PCDH11Y: variants seen among roughly 807,000 people sequenced by gnomAD.
The protein encoded by PCDH11Y is protocadherin 11 Y-linked.
For synonymous variants in PCDH11Y, 9 were observed against 83.6 expected (o/e 0.11, Z 4.87); for missense variants, 12 against 224.8 (o/e 0.05, Z 6.05).
chrY:5,577,976 G>A (rs2053447802), intron 3 of PCDH11Y, among the ~76,000 whole-genome samples: 1 of 32,865 alleles, frequency 3.0e-5, no homozygotes, highest in East Asian at 8.0e-4. Context: ...CACCATGATG[G>A]TAAGTTTCAT....
At chrY:5,703,918 G>A (rs2124712326) in intron 4 of PCDH11Y, among the ~76,000 whole-genome samples, 1 of 28,984 alleles carries the variant, frequency 3.5e-5, no homozygotes, top group Non-Finnish European at 8.2e-5. Context: ...GCACAATCAG[G>A]GCTCACCACA....
intron 2 of PCDH11Y, among the ~76,000 whole-genome samples, chrY:5,199,601 T>C (rs2124649713): frequency 3.1e-4 from 10 of 32,657 alleles, no homozygotes; most frequent in Admixed American, 2.3e-3. Flanking sequence ...ACTTGAGTTT[T>C]AATAGGATCG....
At chrY:5,107,787 T>C (rs1602868401), downstream of PCDH11Y, among the ~76,000 whole-genome samples, 90 of 32,689 alleles carry the variant, frequency 2.8e-3, no homozygotes, top group East Asian at 0.069. Flanking sequence ...CGGCCGGGTG[T>C]GGTGGCTCAC....
At chrY:5,146,439 A>G in intron 2 of PCDH11Y, among the ~76,000 whole-genome samples, 5 of 33,758 alleles carry the variant, frequency 1.5e-4, no homozygotes, top group African/African-American at 4.6e-4. Context: ...ATGACCTGTC[A>G]TTTCACATGG....
chrY:5,596,465 G>A (rs2053467286), intron 4 of PCDH11Y, among the ~76,000 whole-genome samples: 2 of 24,657 alleles, frequency 8.1e-5, no homozygotes, highest in African/African-American at 1.6e-4. Context: ...TTGTGACACC[G>A]GGCTTGTTTG....
intron 2 of PCDH11Y, among the ~76,000 whole-genome samples, chrY:5,313,427 A>G (rs2124664844): frequency 3.0e-5 from 1 of 33,276 alleles, no homozygotes; most frequent in African/African-American, 1.2e-4. Context: ...TGTTTGGCAT[A>G]TCCACTGGTT....
chrY:5,040,844 G>A, intron 3 of PCDH11Y, among the ~76,000 whole-genome samples: 1 of 32,450 alleles, frequency 3.1e-5, no homozygotes, highest in Non-Finnish European at 7.5e-5. Flanking sequence ...AGTATAATTT[G>A]TAGTGAAAAT....
chrY:5,696,522 C>G, intron 4 of PCDH11Y, among the ~76,000 whole-genome samples: 1 of 32,633 alleles, frequency 3.1e-5, no homozygotes, highest in Non-Finnish European at 7.5e-5. Flanking sequence ...ATTATTCTAG[C>G]TAGTGGTTTC....
intron 2 of PCDH11Y, among the ~76,000 whole-genome samples, chrY:5,157,571 C>A: frequency 9.0e-5 from 3 of 33,427 alleles, no homozygotes; most frequent in African/African-American, 2.3e-4. Flanking sequence ...CAGATGCATT[C>A]TTTTCTTAAA....
At chrY:5,571,241 T>A (rs1602944704) in intron 3 of PCDH11Y, among the ~76,000 whole-genome samples, 2 of 31,830 alleles carry the variant, frequency 6.3e-5, no homozygotes, top group East Asian at 1.6e-3. Context: ...TAGCAAATTT[T>A]AAAGTGAAAG....
At chrY:5,417,687 C>T in intron 2 of PCDH11Y, among the ~76,000 whole-genome samples, 2 of 32,514 alleles carry the variant, frequency 6.2e-5, no homozygotes, top group Non-Finnish European at 1.5e-4. Context: ...CCTTTCTATA[C>T]CAAATTCGAA....
intron 2 of PCDH11Y, among the ~76,000 whole-genome samples, chrY:5,246,806 G>A (rs2124656239): frequency 6.1e-5 from 2 of 32,620 alleles, no homozygotes; most frequent in African/African-American, 1.2e-4. Flanking sequence ...AAAGAGTCAA[G>A]ACCCATCAGT....
intron 4 of PCDH11Y, among the ~76,000 whole-genome samples, chrY:5,665,001 T>C: frequency 3.0e-5 from 1 of 33,367 alleles, no homozygotes; most frequent in Admixed American, 2.8e-4. Flanking sequence ...ATCAGTCTGA[T>C]CGAAAAATTA....
intron 2 of PCDH11Y, among the ~76,000 whole-genome samples, chrY:5,229,307 C>CTT (rs34481930): frequency 5.1e-4 from 8 of 15,662 alleles, no homozygotes; most frequent in Middle Eastern, 0.048. Context: ...CTACGTGTGC[C>CTT]TTTTTTTTTT....
chrY:5,044,209 T>A, intron 3 of PCDH11Y, among the ~76,000 whole-genome samples: 1 of 32,018 alleles, frequency 3.1e-5, no homozygotes, highest in African/African-American at 1.2e-4. Flanking sequence ...TGTTAGGGTG[T>A]CAATTTTTGA....
chrY:5,346,671 A>G (rs112264817), intron 2 of PCDH11Y, among the ~76,000 whole-genome samples: 5 of 31,811 alleles, frequency 1.6e-4, no homozygotes, highest in African/African-American at 6.2e-4. Context: ...TAATTTTTGC[A>G]TTTTTGGTAG....
At chrY:5,122,620 C>G in intron 2 of PCDH11Y, among the ~76,000 whole-genome samples, 1 of 30,561 alleles carries the variant, frequency 3.3e-5, no homozygotes, top group African/African-American at 1.3e-4. Context: ...TTCTGGAGAA[C>G]TTTGCCCCAT....
chrY:5,095,678 A>G (rs2124634589), intron 1 of PCDH11Y, among the ~76,000 whole-genome samples: 1 of 32,469 alleles, frequency 3.1e-5, no homozygotes, highest in South Asian at 6.9e-4. Context: ...CTTACATTCA[A>G]TGTTGTCATG....
intron 2 of PCDH11Y, among the ~76,000 whole-genome samples, chrY:5,311,538 T>C (rs1602902857): frequency 4.1e-5 from 1 of 24,544 alleles, no homozygotes; most frequent in East Asian, 1.0e-3. Context: ...TACACACACA[T>C]ATATATATAT....
Sources: gnomAD v4.1 joint callset for allele counts (sites outside exome capture counted in the v4.1 genomes callset) on GRCh38, gnomAD v4.1.1 for gene constraint, MANE v1.5 for transcripts, NCBI Gene and HGNC (gene_info 2026-07-23, HGNC 2026-07-21) for gene names.